The following PCLO variants were observed in gnomAD, a reference collection of about 807,000 sequenced individuals.
PCLO encodes the protein piccolo presynaptic cytomatrix protein, also known as protein piccolo.
A neutral mutation model predicts 427.5 loss-of-function variants in PCLO; 82 were observed. The ratio of observed to expected loss-of-function variants is 0.19; its 90% confidence interval spans 0.16 to 0.23. The LOEUF (loss-of-function observed/expected upper bound fraction) is 0.23, where lower values mean the gene tolerates loss of function less well. PCLO is among the 10% of genes least tolerant of loss of function. The pLI is 1.00. For missense variants in PCLO, 6,239 were observed against 6,115.9 expected (o/e 1.02, Z -0.67); for synonymous variants, 2,357 against 2,155.4 (o/e 1.09, Z -2.59).
At chr7:82,821,548 G>C (rs1014344955) in intron 20 of PCLO, 2 of 978,564 alleles carry the variant, frequency 2.0e-6, no homozygotes, top group Non-Finnish European at 2.4e-6. Flanking sequence ...AGAAGTAACA[G>C]GGTACCTACA....
In PCLO at chr7:82,972,238, C is replaced by T. The variant is rs535537281; in HGVS notation, c.3301-5751G>A. On this transcript the variant is annotated intron_variant, in intron 3 of 24. Coordinates refer to ENST00000333891, the MANE Select transcript of PCLO (RefSeq NM_033026.6). ...AGCTTGTTCAAAACAAAACAGTGTT[C>T]AAAAAATCCATTCATCTTAAGAAGG... is the stretch of plus-strand genomic sequence containing the variant. 3.9e-5 allele frequency among the ~76,000 whole-genome samples: 6 copies of T among 151,924 alleles called. No homozygotes were observed. The East Asian group carries it at 1.2e-3, about 29-fold the overall frequency.
At chr7:82,801,170 A>G (rs1184682143) in intron 22 of PCLO, among the ~76,000 whole-genome samples, 1 of 75,142 alleles carries the variant, frequency 1.3e-5, no homozygotes, top group East Asian at 1.3e-3. Context: ...TTGATTTTCT[A>G]TTTGCATGAT....
intron 2 of PCLO, among the ~76,000 whole-genome samples, chr7:83,148,268 C>CA (rs2116661252): frequency 6.6e-6 from 1 of 152,276 alleles, no homozygotes; most frequent in East Asian, 1.9e-4. Flanking sequence ...TGTAATCACC[C>CA]AATAGAAGGG....
Position 82,801,650 on chromosome 7 carries a change from G to A in PCLO, c.14934-59C>T, listed in dbSNP as rs781198155. 4.1e-4 allele frequency: 400 copies of A among 981,598 alleles called. 3 individuals are homozygous for A. The highest frequency in any genetic ancestry group is 2.8e-4 in the Non-Finnish European group (174 of 631,662). 60.8% of individuals were successfully genotyped at this position (981,598 alleles called of 1,614,324 possible). A position where few individuals can be genotyped will look rare whatever the true frequency, so the allele number is the denominator to read the frequency against. Reference sequence around the variant, plus strand: ...TTATGATCTCATGAATGCAAAAGAGGCTAAATTTGCATAAATAAAATGACA... The same window carrying A: ...TTATGATCTCATGAATGCAAAAGAGACTAAATTTGCATAAATAAAATGACA... On this transcript the variant is annotated intron_variant, in intron 21 of 24. Transcript: ENST00000333891.
Position 82,845,466 on chromosome 7 carries a change from T to A in PCLO, c.13851A>T (p.Pro4617=), listed in dbSNP as rs1359341910. The change falls in exon 13 of 25, where the codon CCA becomes CCT. Residue 4617 remains proline (P), a synonymous_variant. Coordinates refer to ENST00000333891, the MANE Select transcript of PCLO (RefSeq NM_033026.6). Reference sequence around the variant, plus strand: ...CTGCCAACTGCTTAGGATCAACCCCTGGGGATTTCGCCTTATCCACTACAA... The same window carrying A: ...CTGCCAACTGCTTAGGATCAACCCCAGGGGATTTCGCCTTATCCACTACAA... ...PPKAVDKAKS[P]GVDPKQLAAE... is the part of the protein sequence containing the mutation. 6.2e-7 allele frequency: 1 copy of A among 1,612,118 alleles called. No homozygotes were observed. Among genetic ancestry groups the A allele is most frequent in the Non-Finnish European group, 8.5e-7 (1 of 1,178,876 alleles).
At chr7:82,830,159 T>TA (rs1351080685) in intron 16 of PCLO, among the ~76,000 whole-genome samples, 2 of 151,880 alleles carry the variant, frequency 1.3e-5, no homozygotes, top group Admixed American at 6.6e-5. Context: ...TATTATCTTT[T>TA]AAAAAATCTA....
intron 3 of PCLO, among the ~76,000 whole-genome samples, chr7:83,124,921 GT>G (rs1256055754): frequency 1.3e-5 from 2 of 152,094 alleles, no homozygotes; most frequent in African/African-American, 4.8e-5. Context: ...CGCCTGACTG[GT>G]TTTTGCATTT....
chr7:82,996,140 G>C (rs1796490925), intron 3 of PCLO, among the ~76,000 whole-genome samples: 1 of 151,392 alleles, frequency 6.6e-6, no homozygotes. Flanking sequence ...AAATAAAACA[G>C]GAATATAAAT....
At chr7:83,026,081 C>T (rs1337957051) in intron 3 of PCLO, among the ~76,000 whole-genome samples, 1 of 151,730 alleles carries the variant, frequency 6.6e-6, no homozygotes, top group East Asian at 1.9e-4. Flanking sequence ...ATCATCATGA[C>T]AGGATCAAAT....
intron 3 of PCLO, among the ~76,000 whole-genome samples, chr7:83,099,558 T>C (rs779038714): frequency 2.4e-4 from 36 of 151,844 alleles, no homozygotes; most frequent in Non-Finnish European, 4.6e-4. Flanking sequence ...CCAGCTCATT[T>C]TTTTGTATTT....
At chr7:82,769,927 C>G (rs552249260) in intron 22 of PCLO, among the ~76,000 whole-genome samples, 17 of 152,148 alleles carry the variant, frequency 1.1e-4, no homozygotes, top group African/African-American at 4.1e-4. Context: ...CTTCTAGCCC[C>G]GTGAGATGGC....
chr7:83,134,218 AATATAT>A (rs61658777), intron 3 of PCLO, 26 bp downstream of exon 3: 65 of 430,116 alleles, frequency 1.5e-4, no homozygotes, highest in Non-Finnish European at 1.8e-4. Context: ...CTCCATATGT[AATATAT>A]ATATATATAT....
chr7:83,122,181 A>G (rs1791297207), intron 3 of PCLO, among the ~76,000 whole-genome samples: 1 of 151,988 alleles, frequency 6.6e-6, no homozygotes, highest in Non-Finnish European at 1.5e-5. Context: ...GCCATATAAA[A>G]CAGACCCACA....
rs138198254 is a variant in PCLO, at chr7:82,777,955, A to G, written c.15008-16462T>C. On this transcript the variant is annotated intron_variant, in intron 22 of 24. Transcript: ENST00000333891. ...AAACTAAAGAGATTCTAAAGAAACT[A>G]TCAAGAGAGGAAACAGACAAACTAC... Among the ~76,000 whole-genome samples, 1,057 of 152,340 alleles carry G rather than the reference A, an allele frequency of 6.9e-3. 10 individuals carry two copies. The highest frequency in any genetic ancestry group is 0.027 in the South Asian group (130 of 4,828).
chr7:82,762,410 TA>T (rs899937406), intron 22 of PCLO, among the ~76,000 whole-genome samples: 3 of 152,000 alleles, frequency 2.0e-5, no homozygotes, highest in Admixed American at 1.3e-4. Flanking sequence ...GAAGCCATGT[TA>T]AGAATTTGGT....
At chr7:82,949,049 C>T (rs1256768925) in intron 6 of PCLO, among the ~76,000 whole-genome samples, 1 of 152,080 alleles carries the variant, frequency 6.6e-6, no homozygotes, top group East Asian at 1.9e-4. Context: ...TTCATAGTCA[C>T]CTTTTGCATT....
At chr7:82,907,623 T>C (rs1431923679) in intron 8 of PCLO, among the ~76,000 whole-genome samples, 2 of 151,980 alleles carry the variant, frequency 1.3e-5, no homozygotes, top group Admixed American at 6.6e-5. Flanking sequence ...CAGGCTGATA[T>C]GTTTACATGA....
At chr7:83,133,977 C>T (rs1420706179) in intron 3 of PCLO, among the ~76,000 whole-genome samples, 1 of 151,424 alleles carries the variant, frequency 6.6e-6, no homozygotes, top group African/African-American at 2.4e-5. Context: ...ATGATTGGCT[C>T]ATTGTTATAT....
intron 3 of PCLO, among the ~76,000 whole-genome samples, chr7:83,091,750 G>T (rs1397327064): frequency 3.3e-5 from 5 of 152,126 alleles, no homozygotes; most frequent in Admixed American, 3.3e-4. Context: ...TTTAAATCAT[G>T]GAAGAAATAA....
Sources: gnomAD v4.1 joint callset for allele counts (sites outside exome capture counted in the v4.1 genomes callset) on GRCh38, gnomAD v4.1.1 for gene constraint, MANE v1.5 for transcripts, NCBI Gene and HGNC (gene_info 2026-07-23, HGNC 2026-07-21) for gene names.